Variants in TAFA1 observed in about 807,000 individuals in gnomAD.
TAFA1 encodes the protein chemokine-like protein TAFA-1.
Under a neutral mutation model 18.5 loss-of-function variants are expected in TAFA1, and 4 were observed. The ratio of observed to expected loss-of-function variants is 0.22; its 90% CI spans 0.11 to 0.49. TAFA1 has a LOEUF of 0.49. TAFA1 is among the 20% of genes least tolerant of loss of function. The pLI is 0.98. For synonymous variants in TAFA1, 56 were observed against 55.2 expected, an observed-to-expected ratio of 1.01 and a Z score of -0.06; for missense variants, 147 against 169.0, an observed-to-expected ratio of 0.87 and a Z score of 0.72.
chr3:68,268,579 G>A (rs1252537307), intron 2 of TAFA1, among the ~76,000 whole-genome samples: 1 of 152,134 alleles, frequency 6.6e-6, no homozygotes, highest in Admixed American at 6.5e-5. Context: ...AGGTGAAAGG[G>A]ATAGCAAAGA....
intron 3 of TAFA1, among the ~76,000 whole-genome samples, chr3:68,536,486 G>A (rs1157411581): frequency 4.6e-5 from 7 of 152,224 alleles, no homozygotes; most frequent in African/African-American, 1.2e-4. Context: ...TTCTCGTCCC[G>A]TGTAAAAACA....
chr3:68,307,102 G>A (rs894093141), intron 2 of TAFA1, among the ~76,000 whole-genome samples: 1 of 152,050 alleles, frequency 6.6e-6, no homozygotes, highest in Non-Finnish European at 1.5e-5. Flanking sequence ...TTGGGATAAT[G>A]TATGTTAAGA....
intron 2 of TAFA1, among the ~76,000 whole-genome samples, chr3:68,193,353 T>C (rs997323710): frequency 6.6e-6 from 1 of 151,774 alleles, no homozygotes; most frequent in Admixed American, 6.6e-5. Flanking sequence ...GTCCCCTAAC[T>C]GTAACATTTT....
At chr3:68,008,701 T>C (rs956304280) in intron 2 of TAFA1, among the ~76,000 whole-genome samples, 1 of 152,150 alleles carries the variant, frequency 6.6e-6, no homozygotes, top group African/African-American at 2.4e-5. Flanking sequence ...AGCCCCTTCA[T>C]ATAATTTTTG....
chr3:68,005,825 C>A (rs918691269), intron 1 of TAFA1, among the ~76,000 whole-genome samples: 3 of 152,100 alleles, frequency 2.0e-5, no homozygotes, highest in Non-Finnish European at 4.4e-5. Flanking sequence ...CGCAGTTGAG[C>A]CTTTGTAGTT....
chr3:68,054,059 C>T (rs1180224390), intron 2 of TAFA1, among the ~76,000 whole-genome samples: 1 of 152,120 alleles, frequency 6.6e-6, no homozygotes, highest in African/African-American at 2.4e-5. Context: ...CACAAGTTTT[C>T]TGGACTCCCC....
At chr3:68,351,253 C>A (rs1040765160) in intron 2 of TAFA1, among the ~76,000 whole-genome samples, 3 of 152,038 alleles carry the variant, frequency 2.0e-5, no homozygotes, top group African/African-American at 7.2e-5. Context: ...ACCTGGGTTG[C>A]TTGTTGAAAG....
chr3:68,400,825 C>T (rs1575835594), intron 2 of TAFA1, among the ~76,000 whole-genome samples: 1 of 152,070 alleles, frequency 6.6e-6, no homozygotes, highest in Admixed American at 6.6e-5. Flanking sequence ...GTGACTATGT[C>T]GGGAATGTGC....
At chr3:68,302,018 T>C (rs918237859) in intron 2 of TAFA1, among the ~76,000 whole-genome samples, 6 of 152,246 alleles carry the variant, frequency 3.9e-5, no homozygotes, top group African/African-American at 2.4e-5. Context: ...TATTAATTAC[T>C]CATTTTTATA....
In TAFA1 at chr3:68,211,018, C is replaced by T. The variant is rs139524925; in HGVS notation, c.118+204274C>T. On this transcript the variant is annotated intron_variant, in intron 2 of 4. Transcript: ENST00000478136. Reference sequence around the variant, plus strand: ...GGCTATTGAAAGGAGACCTTTGTCCCTTATCATTTGGACTTCTTTATGGGG... The same window carrying T: ...GGCTATTGAAAGGAGACCTTTGTCCTTTATCATTTGGACTTCTTTATGGGG... Among the ~76,000 whole-genome samples, 112 of 152,084 alleles carry T rather than the reference C, an allele frequency of 7.4e-4. 2 individuals carry two copies. In the South Asian group the frequency reaches 0.014, roughly 19 times the overall value.
chr3:68,209,286 A>G (rs2066565208), intron 2 of TAFA1, among the ~76,000 whole-genome samples: 1 of 151,980 alleles, frequency 6.6e-6, no homozygotes, highest in Non-Finnish European at 1.5e-5. Context: ...GCAGTGACAA[A>G]TTTGTGTTGT....
chr3:68,110,742 G>C (rs1452456122), intron 2 of TAFA1, among the ~76,000 whole-genome samples: 1 of 152,110 alleles, frequency 6.6e-6, no homozygotes, highest in Non-Finnish European at 1.5e-5. Context: ...GAAAGAAAGA[G>C]ATAAACTATG....
At chr3:68,065,484 G>C (rs1338005271) in intron 2 of TAFA1, among the ~76,000 whole-genome samples, 2 of 152,024 alleles carry the variant, frequency 1.3e-5, no homozygotes, top group Admixed American at 6.6e-5. Context: ...TCCCCTTTAT[G>C]TTTAAAGAAA....
intron 2 of TAFA1, among the ~76,000 whole-genome samples, chr3:68,388,485 T>C (rs1316806265): frequency 2.0e-5 from 3 of 152,172 alleles, no homozygotes; most frequent in Non-Finnish European, 4.4e-5. Flanking sequence ...ATTTTTTCTC[T>C]AATATATCAT....
At chr3:68,051,642 C>G (rs1435464969) in intron 2 of TAFA1, among the ~76,000 whole-genome samples, 1 of 152,130 alleles carries the variant, frequency 6.6e-6, no homozygotes, top group African/African-American at 2.4e-5. Flanking sequence ...GTATATATCA[C>G]TTCTGAACTT....
chr3:68,392,442 G>T (rs2070281036), intron 2 of TAFA1, among the ~76,000 whole-genome samples: 1 of 152,098 alleles, frequency 6.6e-6, no homozygotes, highest in Non-Finnish European at 1.5e-5. Flanking sequence ...GTCAATATCA[G>T]ACAGATCAAT....
rs182104840 is a variant in TAFA1 at position 68,084,870 on chromosome 3, T to C, written c.118+78126T>C. On this transcript the variant is annotated intron_variant, in intron 2 of 4. Coordinates refer to ENST00000478136, the MANE Select transcript of TAFA1 (RefSeq NM_213609.4). ...ATACTTCAGTGGGAATCGGCTGCCTTCTCTCCTATACTCTTTACTCTTTAG... is the reference window on the plus strand; with the variant it reads ...ATACTTCAGTGGGAATCGGCTGCCTCCTCTCCTATACTCTTTACTCTTTAG... Among the ~76,000 whole-genome samples, 361 of 152,198 alleles carry C rather than the reference T, an allele frequency of 2.4e-3. 3 individuals are homozygous for C. Among genetic ancestry groups the C allele is most frequent in the African/African-American group, 8.5e-3 (353 of 41,540 alleles).
At chr3:68,272,589 T>A (rs1325079723) in intron 2 of TAFA1, among the ~76,000 whole-genome samples, 7 of 152,164 alleles carry the variant, frequency 4.6e-5, no homozygotes, top group Non-Finnish European at 1.0e-4. Context: ...CTGGACTTTT[T>A]AAAAAGAAAG....
rs905590132 is a variant in TAFA1, at chr3:68,216,513, A to G, written c.119-200767A>G. Among the ~76,000 whole-genome samples, 7 of 152,120 alleles carry G rather than the reference A, an allele frequency of 4.6e-5. No homozygotes were observed. The South Asian group carries it at 1.2e-3, about 27-fold the overall frequency. ...GCATAAGCACTGAGATTGGGTTGATAAAGTTGTATTCCACAAAAGCATGGG... is the reference window on the plus strand; with the variant it reads ...GCATAAGCACTGAGATTGGGTTGATGAAGTTGTATTCCACAAAAGCATGGG... On this transcript the variant is annotated intron_variant, in intron 2 of 4. Transcript: ENST00000478136.
Sources: allele counts gnomAD v4.1 joint callset (sites outside exome capture counted in the v4.1 genomes callset), GRCh38; gene constraint gnomAD v4.1.1; transcripts MANE v1.5; gene names NCBI Gene and HGNC (gene_info 2026-07-23, HGNC 2026-07-21).